MYH9: variants seen among roughly 807,000 people sequenced by gnomAD.
MYH9 encodes the protein myosin heavy chain 9.
A neutral mutation model predicts 241.9 loss-of-function variants in MYH9; 29 were observed. That is an observed-to-expected ratio of 0.12 (90% CI 0.09 to 0.16). MYH9 has a LOEUF of 0.16. MYH9 is among the 10% of genes least tolerant of loss of function. The pLI is 1.00. For missense variants in MYH9, 1,803 were observed against 2,595.5 expected (o/e 0.69, Z 6.63); for synonymous variants, 1,047 against 1,062.6 (o/e 0.99, Z 0.29).
At position 36,293,419 on chromosome 22, in the gene MYH9, C is replaced by T. The variant is rs780845149; in HGVS notation, c.4005G>A (p.Glu1335=). ...LSLSTKLKQV[E]DEKNSFREQL... ...GCTCCCGGAAGGAATTCTTCTCGTCCTCCACCTGCTTGAGCTTGGTGCTCA... is the reference window on the plus strand; with the variant it reads ...GCTCCCGGAAGGAATTCTTCTCGTCTTCCACCTGCTTGAGCTTGGTGCTCA... Residue 1335 remains glutamate, a synonymous_variant, in exon 30 of 41, where the codon GAG becomes GAA. Transcript: ENST00000216181. The surrounding 1 kb of genome is among the most constrained non-coding windows in gnomAD (Gnocchi z 5.1). 3 of 1,614,012 alleles carry T rather than the reference C, an allele frequency of 1.9e-6. No homozygotes were observed. Among genetic ancestry groups the T allele is most frequent in the Admixed American group, 3.3e-5 (2 of 60,026 alleles).
intron 12 of MYH9, among the ~76,000 whole-genome samples, 160 bp downstream of exon 12, chr22:36,316,355 GAA>G (rs67607973): frequency 3.9e-4 from 54 of 138,602 alleles, no homozygotes; most frequent in Non-Finnish European, 3.2e-4. Flanking sequence ...TTTTAAAAAA[GAA>G]AAAAAAAAAA....
rs557110087 is a variant in MYH9, at chr22:36,313,779, C to T, written c.1554+366G>A. Among the ~76,000 whole-genome samples, 3 of 152,332 alleles carry T rather than the reference C, an allele frequency of 2.0e-5. No homozygotes were observed. In the South Asian group the frequency reaches 6.2e-4, roughly 32 times the overall value. On this transcript the variant is annotated intron_variant, in intron 13 of 40. Transcript: ENST00000216181. Reference sequence around the variant, plus strand: ...AGCAGCCCGCGATAGGGCCTTACTACATCCATGCATGGCTGTTTCTTTAAG... The same window carrying T: ...AGCAGCCCGCGATAGGGCCTTACTATATCCATGCATGGCTGTTTCTTTAAG...
chr22:36,340,928 CA>C (rs1202819567), intron 3 of MYH9, among the ~76,000 whole-genome samples: 2 of 152,022 alleles, frequency 1.3e-5, no homozygotes, highest in East Asian at 1.9e-4. Context: ...GCCAGAGTGA[CA>C]GGGGGGCAGA....
In MYH9 at chr22:36,319,975, G is replaced by A. The variant is rs2017224293; in HGVS notation, c.1012+245C>T. 29 of 620,164 alleles carry A rather than the reference G, an allele frequency of 4.7e-5. No individual in the cohort carries two copies. In the South Asian group the frequency reaches 5.6e-4, roughly 12 times the overall value. 38.4% of individuals were successfully genotyped at this position (620,164 alleles called of 1,614,324 possible). On this transcript the variant is annotated intron_variant, in intron 9 of 40. Transcript: ENST00000216181. ...CAGCAAATGGCAAGGGCTGTGCAGT[G>A]GACCCGAGTCCTGGGCAGTTAAGAA...
intron 10 of MYH9, 62 bp downstream of exon 10, chr22:36,319,478 C>G: frequency 1.3e-6 from 2 of 1,512,668 alleles, no homozygotes; most frequent in Non-Finnish European, 1.8e-6. Flanking sequence ...ACCTTCCCTC[C>G]TGAGCAAATC....
intron 11 of MYH9, 120 bp from the exon 12 acceptor site, chr22:36,316,789 TGGG>T: frequency 8.6e-7 from 1 of 1,162,214 alleles, no homozygotes. Flanking sequence ...CCTAAGTATG[TGGG>T]GGAAAAAAAA....
At chr22:36,283,663 AT>A (rs1450824216) in intron 40 of MYH9, among the ~76,000 whole-genome samples, 1 of 152,258 alleles carries the variant, frequency 6.6e-6, no homozygotes, top group African/African-American at 2.4e-5. Flanking sequence ...CACGTAAGAA[AT>A]GAGAATCTCA....
chr22:36,365,087 C>T (rs938607649), intron 1 of MYH9: 1 of 151,594 alleles, frequency 6.6e-6, no homozygotes, highest in African/African-American at 2.4e-5. Context: ...GAGCTGGGCT[C>T]GGGGCAGCCC....
chr22:36,313,821 C>T (rs570415726), intron 13 of MYH9, among the ~76,000 whole-genome samples: 27 of 152,254 alleles, frequency 1.8e-4, no homozygotes, highest in African/African-American at 6.3e-4. Flanking sequence ...AAATGCTTAT[C>T]GAGCCCAGCC....
intron 1 of MYH9, among the ~76,000 whole-genome samples, chr22:36,355,969 A>G (rs1050884449): frequency 1.3e-5 from 2 of 152,190 alleles, no homozygotes; most frequent in Admixed American, 1.3e-4. Flanking sequence ...TAAAAGTAAG[A>G]AAGAAGGTGG....
chr22:36,294,265 G>A lies in MYH9; in HGVS notation c.3664C>T (p.Leu1222=), dbSNP rs761238794. 3 of 1,613,954 alleles carry A rather than the reference G, an allele frequency of 1.9e-6. No homozygotes were observed. The highest frequency in any genetic ancestry group is 2.7e-5 in the African/African-American group (2 of 74,928). ...GCCAGCTCCCCCCGCTCGTTCTCCAGAGTCTGCTTTGCCTTCTCGAGGTTT... is the reference window on the plus strand; with the variant it reads ...GCCAGCTCCCCCCGCTCGTTCTCCAAAGTCTGCTTTGCCTTCTCGAGGTTT... ...KANLEKAKQT[L]ENERGELANE... Residue 1222 remains leucine (L), a synonymous_variant, in exon 28 of 41, where the codon CTG becomes TTG. Coordinates refer to ENST00000216181, the MANE Select transcript of MYH9 (RefSeq NM_002473.6).
At chr22:36,344,084 A>C (rs960526960) in intron 2 of MYH9, among the ~76,000 whole-genome samples, 3 of 152,238 alleles carry the variant, frequency 2.0e-5, no homozygotes, top group African/African-American at 7.2e-5. Context: ...ACGGGAGCTC[A>C]AAGTTCTCTG....
At chr22:36,373,419 C>T (rs915164080) in intron 1 of MYH9, among the ~76,000 whole-genome samples, 5 of 152,342 alleles carry the variant, frequency 3.3e-5, no homozygotes, top group African/African-American at 9.6e-5. Flanking sequence ...AGTGACACAA[C>T]GGCGGAGGCG....
chr22:36,357,581 A>C (rs906914346), intron 1 of MYH9, among the ~76,000 whole-genome samples: 2 of 152,188 alleles, frequency 1.3e-5, no homozygotes, highest in African/African-American at 4.8e-5. Context: ...GCGGGGGAAG[A>C]CAAATCACAC....
chr22:36,301,712 C>A, intron 20 of MYH9, 47 bp from the exon 21 acceptor site: 1 of 1,607,040 alleles, frequency 6.2e-7, no homozygotes, highest in South Asian at 1.1e-5. Context: ...GGAAGATGCC[C>A]GCCTCTGCCA....
Position 36,316,547 on chromosome 22 carries a change from G to A in MYH9, c.1350C>T (p.Ile450=). The A allele has an allele frequency of 6.2e-7, 1 of 1,614,104 alleles. No individual in the cohort carries two copies. Among genetic ancestry groups the A allele is most frequent in the South Asian group, 1.1e-5 (1 of 91,084 alleles). ...AGATCTCGAAGCCGGCAATGTCCAGGATCCCGATGAAGGAGGCGCCCTGCC... is the reference window on the plus strand; with the variant it reads ...AGATCTCGAAGCCGGCAATGTCCAGAATCCCGATGAAGGAGGCGCCCTGCC... ...TKRQGASFIG[I]LDIAGFEIFD... The change falls in exon 12 of 41, where the codon ATC becomes ATT. Residue 450 remains isoleucine, a synonymous_variant. Transcript: ENST00000216181.
At chr22:36,286,127 A>T (rs1227919480) in intron 35 of MYH9, 174 bp from the exon 36 acceptor site, 1 of 676,806 alleles carries the variant, frequency 1.5e-6, no homozygotes, top group Admixed American at 2.2e-5. Context: ...GATATAGCTT[A>T]AACACCATAT....
rs778948265 is a variant in MYH9, at chr22:36,306,409, C to G, written c.2037+5G>C. On this transcript the variant is annotated splice_donor_5th_base_variant and intron_variant, in intron 16 of 40. Transcript: ENST00000216181. This position sits in a 1 kb window ranked among gnomAD's most constrained non-coding sequence, Gnocchi z 4.1. ...TGCCCGGGCCACCCCACCAGGCAGCCGCACCTTCTTCTCGTGGTTGGGGAT... is the reference window on the plus strand; with the variant it reads ...TGCCCGGGCCACCCCACCAGGCAGCGGCACCTTCTTCTCGTGGTTGGGGAT... 6.2e-7 allele frequency: 1 copy of G among 1,613,928 alleles called. No homozygotes were observed. The highest frequency in any genetic ancestry group is 1.7e-5 in the Admixed American group (1 of 59,996).
rs192020065 is a variant in MYH9, at chr22:36,316,504, G to C, written c.1380+13C>G. 7 of 1,613,960 alleles carry C rather than the reference G, an allele frequency of 4.3e-6. No homozygotes were observed. The East Asian group carries it at 1.6e-4, about 36-fold the overall frequency. On this transcript the variant is annotated intron_variant, in intron 12 of 40. Transcript: ENST00000216181. Reference sequence around the variant, plus strand: ...AGGAGGCAGCAGGGTGGGTAATGAAGGGCAAGGCTCACATCAAAGATCTCG... The same window carrying C: ...AGGAGGCAGCAGGGTGGGTAATGAACGGCAAGGCTCACATCAAAGATCTCG...
Sources: allele counts gnomAD v4.1 joint callset (sites outside exome capture counted in the v4.1 genomes callset), GRCh38; gene constraint gnomAD v4.1.1; non-coding constraint Gnocchi (gnomAD v3.1); transcripts MANE v1.5; gene names NCBI Gene and HGNC (gene_info 2026-07-23, HGNC 2026-07-21).